The following ANKS1B variants were observed in gnomAD, a reference collection of about 807,000 sequenced individuals.
ANKS1B encodes ankyrin repeat and sterile alpha motif domain containing 1B, also known as ankyrin repeat and sterile alpha motif domain-containing protein 1B.
A neutral mutation model predicts 148.3 loss-of-function variants in ANKS1B; 36 were observed. That is an observed-to-expected ratio of 0.24 (90% CI 0.19 to 0.32). The LOEUF (loss-of-function observed/expected upper bound fraction) is 0.32. ANKS1B is among the 10% of genes least tolerant of loss of function. The probability of loss-of-function intolerance (pLI) is 1.00; values close to 1 mark genes in which losing one functional copy is unlikely to be tolerated. For missense variants in ANKS1B, 1,157 were observed against 1,542.6 expected (o/e 0.75, Z 4.19); for synonymous variants, 542 against 560.8 (o/e 0.97, Z 0.47).
chr12:99,696,490 T>C (rs2053938911), intron 8 of ANKS1B, among the ~76,000 whole-genome samples: 1 of 152,094 alleles, frequency 6.6e-6, no homozygotes. Context: ...TAGATAGCGT[T>C]TCAACAAATG....
At chr12:99,256,775 G>GA (rs2075306316) in intron 12 of ANKS1B, among the ~76,000 whole-genome samples, 2 of 151,840 alleles carry the variant, frequency 1.3e-5, no homozygotes, top group Non-Finnish European at 2.9e-5. Context: ...CACCTGGTTT[G>GA]AAAATCTCTG....
At chr12:98,981,022 T>C (rs1430543982) in intron 17 of ANKS1B, among the ~76,000 whole-genome samples, 1 of 151,980 alleles carries the variant, frequency 6.6e-6, no homozygotes, top group African/African-American at 2.4e-5. Context: ...TTTTTTTTTT[T>C]AGGCCAGGCA....
rs1160771662 is a variant in ANKS1B at position 99,812,552 on chromosome 12, CACACACAG to C, written c.216-249_216-242del. On this transcript the variant is annotated intron_variant, in intron 2 of 26. Transcript: ENST00000683438. ...ACACACACACACACACACACACACA[CACACACAG>C]AGAGAGAGAGAGAGAGAAAGAGAGC... Among the ~76,000 whole-genome samples, 433 of 86,794 alleles carry C rather than the reference CACACACAG, an allele frequency of 5.0e-3. 2 individuals carry two copies. Among genetic ancestry groups the C allele is most frequent in the South Asian group, 0.036 (92 of 2,534 alleles). 56.9% of individuals were successfully genotyped at this position (86,794 alleles called of 152,430 possible). A position where few individuals can be genotyped will look rare whatever the true frequency, so the allele number is the denominator to read the frequency against.
At chr12:99,042,115 A>G (rs772154182) in intron 17 of ANKS1B, among the ~76,000 whole-genome samples, 1 of 152,076 alleles carries the variant, frequency 6.6e-6, no homozygotes, top group Non-Finnish European at 1.5e-5. Context: ...TAATGGTCCC[A>G]TTTCTTCACC....
intron 14 of ANKS1B, among the ~76,000 whole-genome samples, chr12:99,171,112 T>C (rs923684089): frequency 6.6e-6 from 1 of 152,182 alleles, no homozygotes; most frequent in Non-Finnish European, 1.5e-5. Context: ...GTATAGGAGC[T>C]AGGAGTGAAT....
At chr12:99,680,154 A>C (rs1351966325) in intron 8 of ANKS1B, among the ~76,000 whole-genome samples, 1 of 152,212 alleles carries the variant, frequency 6.6e-6, no homozygotes, top group African/African-American at 2.4e-5. Flanking sequence ...AAAGTAGAAG[A>C]AGCAGGCCAG....
chr12:99,409,778 T>C (rs2094630631), intron 11 of ANKS1B, among the ~76,000 whole-genome samples: 1 of 146,984 alleles, frequency 6.8e-6, no homozygotes, highest in Non-Finnish European at 1.5e-5. Flanking sequence ...GAATATTCAT[T>C]TAAACATGTT....
At chr12:99,040,221 A>G (rs1186385581) in intron 17 of ANKS1B, among the ~76,000 whole-genome samples, 1 of 152,006 alleles carries the variant, frequency 6.6e-6, no homozygotes, top group East Asian at 1.9e-4. Flanking sequence ...GAGGTGGTGA[A>G]ACAGGCACCC....
chr12:99,415,021 CAT>C (rs1271033935), intron 11 of ANKS1B, among the ~76,000 whole-genome samples: 4 of 152,226 alleles, frequency 2.6e-5, no homozygotes, highest in East Asian at 1.9e-4. Flanking sequence ...TGTATACACA[CAT>C]GAGAGGATAA....
chr12:98,826,738 T>C (rs1447342722), intron 19 of ANKS1B, among the ~76,000 whole-genome samples: 1 of 152,170 alleles, frequency 6.6e-6, no homozygotes, highest in Non-Finnish European at 1.5e-5. Context: ...AGTAAGCTTC[T>C]TGGGAGAAAC....
chr12:99,037,177 T>C (rs553267741), intron 17 of ANKS1B, among the ~76,000 whole-genome samples: 1 of 152,188 alleles, frequency 6.6e-6, no homozygotes, highest in Non-Finnish European at 1.5e-5. Flanking sequence ...TGAAAACTTA[T>C]AGTCAGCATT....
intron 1 of ANKS1B, among the ~76,000 whole-genome samples, chr12:99,863,914 C>T: frequency 6.7e-6 from 1 of 149,492 alleles, no homozygotes; most frequent in African/African-American, 2.5e-5. Flanking sequence ...TACTAAAATA[C>T]AGAAATTAGC....
chr12:98,900,477 A>C (rs1278427926), intron 17 of ANKS1B, among the ~76,000 whole-genome samples: 1 of 152,226 alleles, frequency 6.6e-6, no homozygotes, highest in Admixed American at 6.5e-5. Context: ...TATAATGCCA[A>C]ACTTACAAAA....
chr12:99,374,028 C>T (rs1225051029), intron 12 of ANKS1B, among the ~76,000 whole-genome samples: 5 of 152,168 alleles, frequency 3.3e-5, no homozygotes, highest in African/African-American at 1.2e-4. Context: ...GGATTTACAC[C>T]ATGCTGCCAG....
At chr12:99,058,867 A>G (rs2041302694) in intron 16 of ANKS1B, among the ~76,000 whole-genome samples, 1 of 150,256 alleles carries the variant, frequency 6.7e-6, no homozygotes, top group Non-Finnish European at 1.5e-5. Flanking sequence ...CCTCCCGAGT[A>G]GCTGGGACTA....
chr12:99,830,862 A>C (rs1228808155), intron 1 of ANKS1B, among the ~76,000 whole-genome samples: 2 of 152,154 alleles, frequency 1.3e-5, no homozygotes, highest in Non-Finnish European at 2.9e-5. Context: ...GTATGCTTGC[A>C]CCTTATGACT....
chr12:99,950,113 A>AT (rs35287842), intron 1 of ANKS1B, among the ~76,000 whole-genome samples: 23,438 of 90,480 alleles, frequency 0.26, 4,385 homozygotes, highest in African/African-American at 0.3. Context: ...TGCTCAGTTA[A>AT]TTTTTTTTTT....
intron 10 of ANKS1B, 146 bp from the exon 11 acceptor site, chr12:99,443,955 T>C (rs1204803921): frequency 3.2e-6 from 3 of 935,940 alleles, no homozygotes; most frequent in South Asian, 1.8e-5. Flanking sequence ...TGCTCAGTAG[T>C]ATATTTTAAA....
In ANKS1B at chr12:98,889,862, T is replaced by TAG. The variant is rs2099748518; in HGVS notation, c.2779-57727_2779-57726insCT. On this transcript the variant is annotated intron_variant, in intron 17 of 26. Coordinates refer to ENST00000683438, the MANE Select transcript of ANKS1B (RefSeq NM_001352186.2). ...ACAGGTGGTATGTTTTGTGAATGCT[T>TAG]ACCTGTCATTACTTGAGTCACTGTT... is the stretch of plus-strand genomic sequence containing the variant. 3.3e-5 allele frequency among the ~76,000 whole-genome samples: 5 copies of TAG among 152,368 alleles called. No homozygotes were observed. In the South Asian group the frequency reaches 1.0e-3, roughly 32 times the overall value.
Sources: allele counts gnomAD v4.1 joint callset (sites outside exome capture counted in the v4.1 genomes callset), GRCh38; gene constraint gnomAD v4.1.1; transcripts MANE v1.5; gene names NCBI Gene and HGNC (gene_info 2026-07-23, HGNC 2026-07-21).